The following CPXM2 variants were observed in gnomAD, a reference collection of about 807,000 sequenced individuals.
The protein encoded by CPXM2 is carboxypeptidase X, M14 family member 2.
In CPXM2, 66 loss-of-function variants were observed where a neutral mutation model predicts 86.1. The ratio of observed to expected loss-of-function variants is 0.77; its 90% CI spans 0.63 to 0.94. CPXM2 has a LOEUF of 0.94. CPXM2 is among the 40% of genes least tolerant of loss of function. CPXM2 has a pLI of 0.00. For missense variants in CPXM2, 948 were observed against 1,026.3 expected, an observed-to-expected ratio of 0.92 and a Z score of 1.04; for synonymous variants, 388 against 400.2, an observed-to-expected ratio of 0.97 and a Z score of 0.36.
At chr10:123,782,107 T>C (rs1202563336) in intron 6 of CPXM2, among the ~76,000 whole-genome samples, 1 of 152,234 alleles carries the variant, frequency 6.6e-6, no homozygotes, top group East Asian at 1.9e-4. Flanking sequence ...GAAAGCAAAG[T>C]CATTCCGGCT....
intron 4 of CPXM2, among the ~76,000 whole-genome samples, chr10:123,809,005 T>C (rs1396017685): frequency 2.1e-5 from 2 of 94,692 alleles, no homozygotes; most frequent in Non-Finnish European, 4.7e-5. Flanking sequence ...AAGTTTTAAA[T>C]TGCACCATTT....
intron 2 of CPXM2, among the ~76,000 whole-genome samples, chr10:123,912,308 C>G (rs868466245): frequency 2.4e-3 from 95 of 39,476 alleles, no homozygotes; most frequent in Admixed American, 3.9e-3. Context: ...AGATGGTGGG[C>G]GGGGGGGGGG....
chr10:123,762,079 C>A lies in CPXM2; in HGVS notation c.1570G>T (p.Ala524Ser), dbSNP rs754793118. 1.1e-5 allele frequency: 17 copies of A among 1,614,074 alleles called. No individual in the cohort carries two copies. Among genetic ancestry groups the A allele is most frequent in the Non-Finnish European group, 1.4e-5 (16 of 1,179,974 alleles). Reference sequence around the variant, plus strand: ...GACCGCACCAGGTCGTAGGGGTACGCCACCACCAGCTCGCCGCCCTGCAGG... The same window carrying A: ...GACCGCACCAGGTCGTAGGGGTACGACACCACCAGCTCGCCGCCCTGCAGG... ...GNLQGGELVV[A>S]YPYDLVRSPW... The change falls in exon 11 of 14, where the codon GCG becomes TCG. Residue 524 changes from alanine (A) to serine (S), a missense_variant. Ala to Ser is a moderately conservative substitution (Grantham distance 99). Transcript: ENST00000241305.
intron 4 of CPXM2, among the ~76,000 whole-genome samples, chr10:123,821,936 G>A (rs1031875663): frequency 1.3e-5 from 2 of 152,204 alleles, no homozygotes; most frequent in Non-Finnish European, 2.9e-5. Flanking sequence ...ATTTATGAGT[G>A]AGGAAACTAG....
At chr10:123,838,204 G>A (rs1848315956) in intron 4 of CPXM2, among the ~76,000 whole-genome samples, 1 of 152,236 alleles carries the variant, frequency 6.6e-6, no homozygotes, top group Non-Finnish European at 1.5e-5. Context: ...GCTCATGCCT[G>A]CAATCCCAGC....
At chr10:123,858,996 T>A (rs1422044042) in intron 3 of CPXM2, among the ~76,000 whole-genome samples, 3 of 152,148 alleles carry the variant, frequency 2.0e-5, no homozygotes, top group African/African-American at 7.2e-5. Flanking sequence ...AATGAGGGCA[T>A]CTCACCCGAG....
intron 3 of CPXM2, among the ~76,000 whole-genome samples, chr10:123,854,406 T>A (rs7099301): frequency 5.3e-5 from 6 of 113,794 alleles, no homozygotes; most frequent in South Asian, 2.4e-4. Flanking sequence ...TATATATATA[T>A]TATATATAAA....
upstream of CPXM2, among the ~76,000 whole-genome samples, chr10:123,892,186 C>T (rs1274410446): frequency 1.3e-5 from 2 of 152,180 alleles, no homozygotes; most frequent in Non-Finnish European, 2.9e-5. Flanking sequence ...CAAACCGTGC[C>T]CCGTGTGCTG....
chr10:123,862,640 C>A lies in CPXM2; in HGVS notation c.487G>T (p.Ala163Ser). 2.5e-6 allele frequency: 4 copies of A among 1,614,060 alleles called. No homozygotes were observed. Among genetic ancestry groups the A allele is most frequent in the East Asian group, 4.5e-5 (2 of 44,874 alleles). ...ASTVKRYGLG[A>S]HRGRLNIQAG... is the part of the protein sequence containing the mutation. ...TGGATGTTGAGTCTCCCTCGATGTGCCCCCAGGCCATAGCGCTTCACCGTG... is the reference window on the plus strand; with the variant it reads ...TGGATGTTGAGTCTCCCTCGATGTGACCCCAGGCCATAGCGCTTCACCGTG... The change falls in exon 3 of 14, where the codon GCA becomes TCA. Residue 163 changes from alanine to serine, a missense_variant. Coordinates refer to ENST00000241305, the MANE Select transcript of CPXM2 (RefSeq NM_198148.3).
rs573855012 is a variant in CPXM2, at chr10:123,880,417, T to C, written c.305-108A>G. ...GCACAGCAGCCATCTCCCCTTCTGC[T>C]CCCCTGTCCCTAAAGATGGGGTCTT... On this transcript the variant is annotated intron_variant, in intron 1 of 13. Transcript: ENST00000241305. The C allele has an allele frequency of 2.9e-4, 193 of 659,552 alleles. 1 individual carries two copies. The highest frequency in any genetic ancestry group is 2.6e-3 in the East Asian group (101 of 38,974). The allele number at this position is 659,552 out of a possible 1,614,324, so 40.9% of individuals were successfully genotyped here.
chr10:123,903,656 G>A (rs1328421850), intron 2 of CPXM2, among the ~76,000 whole-genome samples: 2 of 152,236 alleles, frequency 1.3e-5, no homozygotes, highest in South Asian at 2.1e-4. Flanking sequence ...CCAGGGCATG[G>A]TTCTTCCTCA....
chr10:123,804,714 T>C (rs1847540895), intron 4 of CPXM2, among the ~76,000 whole-genome samples: 1 of 152,202 alleles, frequency 6.6e-6, no homozygotes, highest in Non-Finnish European at 1.5e-5. Context: ...GGCTAAGATG[T>C]TCAGTCCAAT....
Position 123,793,822 on chromosome 10 carries a change from C to T in CPXM2, c.889+4154G>A, listed in dbSNP as rs114759863. Among the ~76,000 whole-genome samples, 1,307 of 152,244 alleles carry T rather than the reference C, an allele frequency of 8.6e-3. 14 individuals carry two copies. Among genetic ancestry groups the T allele is most frequent in the African/African-American group, 0.03 (1,260 of 41,526 alleles). ...CAAGAGGGTATTCAGACTACAGGCC[C>T]GACTTTGCAAGCAAAAATGGAAGGG... On this transcript the variant is annotated intron_variant, in intron 6 of 13. Transcript: ENST00000241305.
At chr10:123,917,447 T>G (rs1945542602) in intron 2 of CPXM2, among the ~76,000 whole-genome samples, 1 of 152,252 alleles carries the variant, frequency 6.6e-6, no homozygotes, top group African/African-American at 2.4e-5. Flanking sequence ...GACAGAACCT[T>G]CCTTCCAACT....
chr10:123,749,984 T>G lies in CPXM2; in HGVS notation c.2018-2967A>C, dbSNP rs532019434. On this transcript the variant is annotated intron_variant, in intron 13 of 13. Transcript: ENST00000241305. ...TCATGCTCGGCTAATTTTTGTTTTT[T>G]TTTTTTTTTTTTTTTAGTAGAGATG... The G allele has an allele frequency of 2.7e-4, 96 of 358,384 alleles. No individual in the cohort carries two copies. The East Asian group carries it at 7.0e-3, about 26-fold the overall frequency. The allele number at this position is 358,384 out of a possible 1,614,324, so 22.2% of individuals were successfully genotyped here.
chr10:123,790,714 C>T (rs562681564), intron 6 of CPXM2, among the ~76,000 whole-genome samples: 10 of 152,234 alleles, frequency 6.6e-5, no homozygotes, highest in Non-Finnish European at 1.3e-4. Flanking sequence ...TCTCCCCCAT[C>T]GTGCCAAGAG....
At position 123,842,488 on chromosome 10, in the gene CPXM2, C is replaced by T. The variant is rs758287087; in HGVS notation, c.514G>A (p.Ala172Thr). The T allele has an allele frequency of 6.2e-6, 10 of 1,613,810 alleles. No homozygotes were observed. The Admixed American group carries it at 6.7e-5, about 11-fold the overall frequency. Residue 172 changes from alanine (A) to threonine (T), a missense_variant and splice_region_variant, in exon 4 of 14, where the codon GCG becomes ACG. Coordinates refer to ENST00000241305, the MANE Select transcript of CPXM2 (RefSeq NM_198148.3). ...GAHRGRLNIQ[A>T]GINENDFYDG... The stretch of plus-strand genomic sequence containing the variant: ...TAAAAATCATTTTCATTAATGCCCG[C>T]CTAGAAAGAAAGAAAGCGGTGTTCT...
At chr10:123,772,345 A>T (rs1428894544) in intron 7 of CPXM2, among the ~76,000 whole-genome samples, 1 of 135,784 alleles carries the variant, frequency 7.4e-6, no homozygotes, top group Admixed American at 7.2e-5. Context: ...CCCCGTTTGC[A>T]GTTATCACCT....
At chr10:123,783,438 T>A (rs892731460) in intron 6 of CPXM2, among the ~76,000 whole-genome samples, 79 of 152,314 alleles carry the variant, frequency 5.2e-4, no homozygotes, top group African/African-American at 1.9e-3. Context: ...CACACTTCCT[T>A]CCTTCAGCTA....
Sources: allele counts gnomAD v4.1 joint callset (sites outside exome capture counted in the v4.1 genomes callset), GRCh38; gene constraint gnomAD v4.1.1; transcripts MANE v1.5; gene names NCBI Gene and HGNC (gene_info 2026-07-23, HGNC 2026-07-21).